Variants in RHOBTB2 observed in about 807,000 individuals in gnomAD.
The protein encoded by RHOBTB2 is rho-related BTB domain-containing protein 2.
A neutral mutation model predicts 66.5 loss-of-function variants in RHOBTB2; 39 were observed. The observed-to-expected ratio is 0.59, with a 90% confidence interval of 0.45 to 0.77. The LOEUF (loss-of-function observed/expected upper bound fraction) is 0.77. Ranked by LOEUF, RHOBTB2 falls within the 30% of genes least tolerant of loss-of-function variation. The pLI, the probability that RHOBTB2 is intolerant of heterozygous loss-of-function variation, is 0.00. For missense variants in RHOBTB2, 755 were observed against 999.1 expected (o/e 0.76, Z 3.29); for synonymous variants, 390 against 395.0 (o/e 0.99, Z 0.15).
At chr8:22,954,207 A>C in the RHOBTB2 span, among the ~76,000 whole-genome samples, 3 of 152,360 alleles carry the variant, frequency 2.0e-5, no homozygotes, top group Admixed American at 1.3e-4. Flanking sequence ...GGACACATTG[A>C]TAGATCAGAG....
At position 23,013,791 on chromosome 8, in the gene RHOBTB2, C is replaced by T. The variant is rs181518524; in HGVS notation, c.1772-899C>T. ...GAGTATAGGCGTGAGCCACCGTGCCCGGCCAGTTGTTTGTTTTTGAAGTAT... is the reference window on the plus strand; with the variant it reads ...GAGTATAGGCGTGAGCCACCGTGCCTGGCCAGTTGTTTGTTTTTGAAGTAT... On this transcript the variant is annotated intron_variant, in intron 7 of 9. Transcript: ENST00000251822. Among the ~76,000 whole-genome samples, 42 of 152,316 alleles carry T rather than the reference C, an allele frequency of 2.8e-4. No homozygotes were observed. In the East Asian group the frequency reaches 4.6e-3, roughly 17 times the overall value.
intron 1 of RHOBTB2, chr8:22,992,044 A>ACGCACTCCTTTATCTGGAAG (rs1169605517): frequency 6.6e-6 from 1 of 152,182 alleles, no homozygotes; most frequent in Non-Finnish European, 1.5e-5. Flanking sequence ...GTTCTGTTCC[A>ACGCACTCCTTTATCTGGAAG]CGCACTCCTT....
chr8:22,989,293 G>C (rs1480947597), intron 1 of RHOBTB2, among the ~76,000 whole-genome samples: 3 of 152,218 alleles, frequency 2.0e-5, no homozygotes, highest in Admixed American at 6.5e-5. Flanking sequence ...GATTACAGGT[G>C]CATGCCACCA....
At position 23,017,536 on chromosome 8, in the gene RHOBTB2, G is replaced by C. The variant is rs189503821; in HGVS notation, c.*67G>C. The C allele has an allele frequency of 1.4e-5, 22 of 1,541,768 alleles. No homozygotes were observed. Among genetic ancestry groups the C allele is most frequent in the Non-Finnish European group, 1.6e-5 (18 of 1,141,892 alleles). On this transcript the variant is annotated 3_prime_UTR_variant, in exon 10 of 10. Coordinates refer to ENST00000251822, the MANE Select transcript of RHOBTB2 (RefSeq NM_015178.3). This position sits in a 1 kb window ranked among gnomAD's most constrained non-coding sequence, Gnocchi z 5.3. ...TCCGCCTTCACCCCTCTGCTCTTCC[G>C]CATCACCCCATCCACCTTACAGGGA...
At chr8:23,005,346 G>T (rs780637599) in intron 2 of RHOBTB2, 26 bp from the exon 3 acceptor site, 23 of 1,577,896 alleles carry the variant, frequency 1.5e-5, no homozygotes, top group Admixed American at 3.3e-5. Context: ...CTGCCTTCGA[G>T]TCCCACTCTT....
chr8:22,964,735 A>G, the RHOBTB2 span, among the ~76,000 whole-genome samples: 1 of 152,114 alleles, frequency 6.6e-6, no homozygotes, highest in Non-Finnish European at 1.5e-5. Flanking sequence ...AGAATTATAC[A>G]TGTATTTGAA....
At chr8:22,952,797 T>A in the RHOBTB2 span, among the ~76,000 whole-genome samples, 1 of 151,920 alleles carries the variant, frequency 6.6e-6, no homozygotes, top group African/African-American at 2.4e-5. Flanking sequence ...CCCAGCTACA[T>A]GGGAGGCTGA....
chr8:23,010,471 T>C (rs1050624139), intron 6 of RHOBTB2, 67 bp from the exon 7 acceptor site: 2 of 1,541,190 alleles, frequency 1.3e-6, no homozygotes, highest in Non-Finnish European at 1.8e-6. Context: ...CTTCAATTTC[T>C]CAGGGTTCAG....
chr8:22,977,580 A>T, the RHOBTB2 span, among the ~76,000 whole-genome samples: 612 of 151,816 alleles, frequency 4.0e-3, 6 homozygotes, highest in African/African-American at 0.014. Flanking sequence ...TCAAAAAAAA[A>T]AAAAAAAGCT....
intron 7 of RHOBTB2, 41 bp from the exon 8 acceptor site, chr8:23,014,649 C>G (rs1446468832): frequency 6.4e-7 from 1 of 1,567,822 alleles, no homozygotes; most frequent in African/African-American, 1.4e-5. Flanking sequence ...GAGCACAGGT[C>G]ATGTGCTTCT....
Position 23,001,167 on chromosome 8 carries a change from CT to C in RHOBTB2, c.-11+1065del, listed in dbSNP as rs544441081. On this transcript the variant is annotated intron_variant, in intron 1 of 9. Transcript: ENST00000251822. ...GGATGGAAGGAACACATGCCAGTGA[CT>C]TTGCGATTGTCATGGAAGAGGAGTG... is the stretch of plus-strand genomic sequence containing the variant. 1.0e-3 allele frequency among the ~76,000 whole-genome samples: 155 copies of C among 152,222 alleles called. 1 individual carries two copies. The highest frequency in any genetic ancestry group is 1.8e-3 in the Non-Finnish European group (124 of 68,020).
At chr8:22,972,970 C>G in the RHOBTB2 span, among the ~76,000 whole-genome samples, 9 of 152,220 alleles carry the variant, frequency 5.9e-5, no homozygotes, top group Non-Finnish European at 2.9e-5. Context: ...TCCACCAGGC[C>G]CCTGCGCCTT....
the RHOBTB2 span, among the ~76,000 whole-genome samples, chr8:22,965,902 A>G: frequency 1.3e-5 from 2 of 152,188 alleles, no homozygotes; most frequent in African/African-American, 2.4e-5. Context: ...AAGACAGACA[A>G]CAATAAAATA....
the RHOBTB2 span, among the ~76,000 whole-genome samples, chr8:22,955,619 G>C: frequency 6.8e-6 from 1 of 146,542 alleles, no homozygotes; most frequent in African/African-American, 2.5e-5. Flanking sequence ...ACCCAGGCTG[G>C]AGTACAGTGG....
chr8:22,973,651 CTGAA>C, the RHOBTB2 span, among the ~76,000 whole-genome samples: 7 of 152,180 alleles, frequency 4.6e-5, no homozygotes, highest in Non-Finnish European at 1.0e-4. Context: ...GAAACGATCA[CTGAA>C]TGAATGGAGA....
At chr8:22,972,216 A>AGGGTTCATGACACATGTAG in the RHOBTB2 span, among the ~76,000 whole-genome samples, 24 of 152,240 alleles carry the variant, frequency 1.6e-4, no homozygotes, top group Admixed American at 1.6e-3. Flanking sequence ...CACGGCGCTT[A>AGGGTTCATGACACATGTAG]GGGTTCATGA....
In RHOBTB2 at chr8:22,999,587, C is replaced by G; in HGVS notation, c.-529C>G. On this transcript the variant is annotated 5_prime_UTR_variant, in exon 1 of 10. Transcript: ENST00000251822. Reference sequence around the variant, plus strand: ...CTGTCGTCTTGGGTGCGATTTTTTTCTCCTCCTTTTTTTACCCTCCCGTTT... The same window carrying G: ...CTGTCGTCTTGGGTGCGATTTTTTTGTCCTCCTTTTTTTACCCTCCCGTTT... 3 of 1,226,048 alleles carry G rather than the reference C, an allele frequency of 2.4e-6. No homozygotes were observed. Among genetic ancestry groups the G allele is most frequent in the Non-Finnish European group, 1.0e-6 (1 of 964,970 alleles). 75.9% of individuals were successfully genotyped at this position (1,226,048 alleles called of 1,614,324 possible).
upstream of RHOBTB2, among the ~76,000 whole-genome samples, chr8:22,999,402 C>A (rs912326402): frequency 2.6e-3 from 392 of 151,832 alleles, 4 homozygotes; most frequent in Non-Finnish European, 4.6e-3. Context: ...CCCGCGGCGT[C>A]GCTGCGGGAG....
At chr8:22,986,484 A>C (rs2466211), upstream of RHOBTB2, among the ~76,000 whole-genome samples, 97,265 of 151,276 alleles carry the variant, frequency 0.64, 31,554 homozygotes, top group African/African-American at 0.7. Flanking sequence ...GTCTTGAACT[A>C]CTGGACTCAA....
Sources: gnomAD v4.1 joint callset for allele counts (sites outside exome capture counted in the v4.1 genomes callset) on GRCh38, gnomAD v4.1.1 for gene constraint, Gnocchi (gnomAD v3.1) non-coding constraint, MANE v1.5 for transcripts, NCBI Gene and HGNC (gene_info 2026-07-23, HGNC 2026-07-21) for gene names.